The following SEMA6D variants were observed in gnomAD, a reference collection of about 807,000 sequenced individuals.
SEMA6D encodes the protein semaphorin 6D.
Under a neutral mutation model 106.6 loss-of-function variants are expected in SEMA6D, and 35 were observed. The ratio of observed to expected loss-of-function variants is 0.33; its 90% CI spans 0.25 to 0.44. The LOEUF is 0.44. Ranked by LOEUF, SEMA6D falls within the 20% of genes least tolerant of loss-of-function variation. The pLI is 1.00. For missense variants in SEMA6D, 1,185 were observed against 1,345.9 expected (o/e 0.88, Z 1.87); for synonymous variants, 499 against 487.7 (o/e 1.02, Z -0.31).
At chr15:47,208,367 A>G (rs74013744) in intron 1 of SEMA6D, among the ~76,000 whole-genome samples, 184 of 152,282 alleles carry the variant, frequency 1.2e-3, no homozygotes, top group African/African-American at 4.3e-3. Flanking sequence ...GGTGAGATAT[A>G]TCTTCTCTAT....
At chr15:47,309,525 T>A (rs1369513281) in intron 1 of SEMA6D, among the ~76,000 whole-genome samples, 1 of 152,186 alleles carries the variant, frequency 6.6e-6, no homozygotes, top group African/African-American at 2.4e-5. Flanking sequence ...AGCCATAAAG[T>A]GCTTCCTTTA....
chr15:47,386,344 G>T (rs1287659410), intron 1 of SEMA6D, among the ~76,000 whole-genome samples: 1 of 152,144 alleles, frequency 6.6e-6, no homozygotes, highest in Non-Finnish European at 1.5e-5. Flanking sequence ...TAAGCAGAAG[G>T]AGACATCATA....
At chr15:47,341,950 G>A (rs2037830482) in intron 1 of SEMA6D, among the ~76,000 whole-genome samples, 2 of 151,416 alleles carry the variant, frequency 1.3e-5, no homozygotes, top group African/African-American at 4.8e-5. Flanking sequence ...CCAACTCTGG[G>A]CCTTTAAATT....
intron 4 of SEMA6D, among the ~76,000 whole-genome samples, chr15:47,659,273 TAG>T (rs2077868508): frequency 6.6e-6 from 1 of 151,896 alleles, no homozygotes; most frequent in East Asian, 1.9e-4. Context: ...TAAAATAGGA[TAG>T]AGTCTGGTAA....
At chr15:47,584,372 G>A (rs574116766) in intron 3 of SEMA6D, among the ~76,000 whole-genome samples, 48 of 151,786 alleles carry the variant, frequency 3.2e-4, no homozygotes, top group Non-Finnish European at 5.9e-4. Flanking sequence ...GCAGTGAGCC[G>A]AGATTGTGCC....
intron 4 of SEMA6D, among the ~76,000 whole-genome samples, chr15:47,665,061 G>A (rs888447808): frequency 2.6e-5 from 4 of 151,952 alleles, no homozygotes; most frequent in African/African-American, 7.3e-5. Context: ...TCAGAGGCTC[G>A]TTATTCTTCC....
chr15:47,648,127 T>C (rs1271887685), intron 4 of SEMA6D, among the ~76,000 whole-genome samples: 1 of 152,178 alleles, frequency 6.6e-6, no homozygotes, highest in Non-Finnish European at 1.5e-5. Context: ...GTCAGTATAA[T>C]ATTGATGATA....
At chr15:47,367,755 A>C (rs1385759766) in intron 1 of SEMA6D, among the ~76,000 whole-genome samples, 2 of 151,822 alleles carry the variant, frequency 1.3e-5, no homozygotes, top group African/African-American at 4.8e-5. Context: ...GAGAGAGTTT[A>C]ATACAATTGG....
chr15:47,294,013 G>C (rs1390778437), intron 1 of SEMA6D, among the ~76,000 whole-genome samples: 1 of 152,166 alleles, frequency 6.6e-6, no homozygotes, highest in Non-Finnish European at 1.5e-5. Flanking sequence ...CAGAGTGCAG[G>C]CTGTGGTTGA....
chr15:47,254,990 T>G (rs1410341973), intron 1 of SEMA6D, among the ~76,000 whole-genome samples: 1 of 151,868 alleles, frequency 6.6e-6, no homozygotes, highest in African/African-American at 2.4e-5. Context: ...CTTCTTGATC[T>G]CTTTGGAAAA....
chr15:47,376,764 T>C (rs898679396), intron 1 of SEMA6D, among the ~76,000 whole-genome samples: 1 of 152,118 alleles, frequency 6.6e-6, no homozygotes, highest in African/African-American at 2.4e-5. Flanking sequence ...TCTTGTGGGG[T>C]AAAATATGTT....
chr15:47,434,875 T>C (rs1227071639), intron 2 of SEMA6D, among the ~76,000 whole-genome samples: 1 of 151,964 alleles, frequency 6.6e-6, no homozygotes, highest in Non-Finnish European at 1.5e-5. Flanking sequence ...GGGAAGAAAA[T>C]GGGGCCGTCC....
intron 3 of SEMA6D, 132 bp from the exon 4 acceptor site, chr15:47,760,846 C>G: frequency 1.3e-6 from 1 of 784,824 alleles, no homozygotes; most frequent in East Asian, 2.7e-5. Flanking sequence ...TCTTTGTTGA[C>G]TTTGTTTGAG....
intron 2 of SEMA6D, among the ~76,000 whole-genome samples, chr15:47,427,176 G>C (rs1041027759): frequency 6.6e-6 from 1 of 152,104 alleles, no homozygotes; most frequent in African/African-American, 2.4e-5. Context: ...ACTTTAATGG[G>C]GAGAAAGGAG....
At chr15:47,351,245 T>C (rs1297432177) in intron 1 of SEMA6D, among the ~76,000 whole-genome samples, 2 of 152,194 alleles carry the variant, frequency 1.3e-5, no homozygotes, top group Non-Finnish European at 2.9e-5. Context: ...AAGTATGCCA[T>C]GATCATCTTC....
intron 4 of SEMA6D, among the ~76,000 whole-genome samples, chr15:47,610,882 T>G (rs2076885449): frequency 6.6e-6 from 1 of 152,172 alleles, no homozygotes; most frequent in South Asian, 2.1e-4. Flanking sequence ...CTACTGTAGC[T>G]CATTTTGAAG....
intron 11 of SEMA6D, 65 bp from the exon 12 acceptor site, chr15:47,764,573 T>G: frequency 6.3e-7 from 1 of 1,588,440 alleles, no homozygotes; most frequent in Non-Finnish European, 8.6e-7. Flanking sequence ...CACTTATTCC[T>G]TAGATACAGT....
Position 47,771,375 on chromosome 15 carries a change from A to G in SEMA6D, c.2812A>G (p.Arg938Gly). 2 of 1,614,028 alleles carry G rather than the reference A, an allele frequency of 1.2e-6. No individual in the cohort carries two copies. Among genetic ancestry groups the G allele is most frequent in the Non-Finnish European group, 1.7e-6 (2 of 1,179,964 alleles). ...SLYSPPSTLP[R>G]NSPTKRVDVP... ...ATACTCCCCTCCTTCAACTCTCCCCAGAAATAGCCCAACCAAGCGAGTGGA... is the reference window on the plus strand; with the variant it reads ...ATACTCCCCTCCTTCAACTCTCCCCGGAAATAGCCCAACCAAGCGAGTGGA... Residue 938 changes from arginine (R) to glycine (G), a missense_variant, in exon 19 of 19, where the codon AGA (arginine) becomes GGA (glycine). By Grantham distance (125) the Arg-to-Gly change is moderately radical. This residue lies in a region of SEMA6D where 750 missense variants were observed against 783.5 expected (regional missense o/e 0.96). Coordinates refer to ENST00000536845, the MANE Select transcript of SEMA6D (RefSeq NM_001358351.3).
intron 3 of SEMA6D, among the ~76,000 whole-genome samples, chr15:47,566,569 A>C (rs2046234851): frequency 6.6e-6 from 1 of 152,216 alleles, no homozygotes; most frequent in Non-Finnish European, 1.5e-5. Flanking sequence ...AGTCATTTTC[A>C]AGAGCTTCTT....
Sources: allele counts gnomAD v4.1 joint callset (sites outside exome capture counted in the v4.1 genomes callset), GRCh38; gene constraint gnomAD v4.1.1; regional missense constraint gnomAD v4.1.1; transcripts MANE v1.5; gene names NCBI Gene and HGNC (gene_info 2026-07-23, HGNC 2026-07-21).